The following NLRP13 variants were observed in gnomAD, a reference collection of about 807,000 sequenced individuals.
The protein encoded by NLRP13 is NLR family pyrin domain containing 13.
In NLRP13, 82 loss-of-function variants were observed where a neutral mutation model predicts 94.4. That is an observed-to-expected ratio of 0.87 (90% CI 0.73 to 1.04). The LOEUF (loss-of-function observed/expected upper bound fraction) is 1.04, where lower values mean the gene tolerates loss of function less well. Among genes scored for constraint, NLRP13 ranks in the 50% least tolerant of loss-of-function variants. NLRP13 has a pLI of 0.00. For synonymous variants in NLRP13, 553 were observed against 464.7 expected (o/e 1.19, Z -2.45); for missense variants, 1,426 against 1,230.8 (o/e 1.16, Z -2.37).
chr19:55,911,151 G>A (rs1404701117), intron 5 of NLRP13, among the ~76,000 whole-genome samples: 1 of 152,178 alleles, frequency 6.6e-6, no homozygotes, highest in Non-Finnish European at 1.5e-5. Flanking sequence ...AGAAAGATGA[G>A]CAAAGGAAAA....
intron 1 of NLRP13, among the ~76,000 whole-genome samples, chr19:55,925,835 T>TC (rs1986954289): frequency 6.6e-6 from 1 of 152,116 alleles, no homozygotes; most frequent in South Asian, 2.1e-4. Flanking sequence ...GCAAGCTGTG[T>TC]CCTGCACTTC....
chr19:55,898,183 C>G (rs1040707046), intron 10 of NLRP13, among the ~76,000 whole-genome samples: 1 of 149,382 alleles, frequency 6.7e-6, no homozygotes, highest in Non-Finnish European at 1.5e-5. Context: ...AGCTTATCAT[C>G]TAGCAGGAGA....
chr19:55,910,495 C>T (rs12982043), intron 6 of NLRP13, 68 bp downstream of exon 6: 687,007 of 1,408,944 alleles, frequency 0.49, 170,325 homozygotes, highest in African/African-American at 0.68. Flanking sequence ...CAACCACACT[C>T]ATCAAAAGAG....
At chr19:55,895,695 A>G (rs888871304), downstream of NLRP13, among the ~76,000 whole-genome samples, 13 of 152,174 alleles carry the variant, frequency 8.5e-5, no homozygotes, top group Non-Finnish European at 1.8e-4. Context: ...AAAAGGTGAA[A>G]GAAAAAAGAA....
intron 4 of NLRP13, among the ~76,000 whole-genome samples, chr19:55,919,927 A>G (rs1986773188): frequency 6.6e-6 from 1 of 152,190 alleles, no homozygotes; most frequent in Admixed American, 6.5e-5. Flanking sequence ...CCTGACTTCA[A>G]ATTATACTAC....
At position 55,923,926 on chromosome 19, in the gene NLRP13, G is replaced by C. The variant is rs777628876; in HGVS notation, c.511C>G (p.Leu171Val). 1.2e-6 allele frequency: 2 copies of C among 1,613,240 alleles called. No homozygotes were observed. Among genetic ancestry groups the C allele is most frequent in the Non-Finnish European group, 1.7e-6 (2 of 1,179,398 alleles). Residue 171 changes from leucine (L) to valine (V), a missense_variant, in exon 4 of 11, where the codon CTA (leucine) becomes GTA (valine). By Grantham distance (32) the Leu-to-Val change is conservative (BLOSUM62 1). Coordinates refer to ENST00000342929, the MANE Select transcript of NLRP13 (RefSeq NM_176810.2). Reference protein sequence around the residue: ...QDPNQEEPEMLEEADHRRKYR... With the variant: ...QDPNQEEPEMVEEADHRRKYR... ...GTAGTATACACACCTGCTTCCTCTA[G>C]CATCTCTGGTTCTTCTTGGTTTGGA...
rs1005227950 is a variant in NLRP13 at position 55,924,647 on chromosome 19, T to G, written c.400A>C (p.Thr134Pro). The G allele has an allele frequency of 2.5e-6, 4 of 1,613,106 alleles. No homozygotes were observed. The highest frequency in any genetic ancestry group is 1.7e-5 in the Admixed American group (1 of 59,990). Residue 134 changes from threonine (T) to proline (P), a missense_variant, in exon 3 of 11, where the codon ACC (threonine) becomes CCC (proline). Transcript: ENST00000342929. ...MLEAAAGNMQ[T>P]QGCQDPNQEE... ...TGGTTTGGATCTTGGCATCCCTGGG[T>G]CTGCATATTCCCTGAAATAAACATT...
chr19:55,901,846 C>T (rs302834), intron 9 of NLRP13, among the ~76,000 whole-genome samples, 189 bp downstream of exon 9: 109,249 of 151,840 alleles, frequency 0.72, 39,536 homozygotes, highest in East Asian at 0.9. Flanking sequence ...CTCGAGGTCC[C>T]CCAGACACAC....
rs1185233968 is a variant in NLRP13, at chr19:55,896,072, G to C, written c.3005C>G (p.Ser1002Cys). Residue 1002 changes from serine (S) to cysteine (C), a missense_variant, in exon 11 of 11, where the codon TCT becomes TGT. By Grantham distance (112) the Ser-to-Cys change is moderately radical. Transcript: ENST00000342929. ...CAGGCTCTTACTGCTGCTGAGAACA[G>C]AGAAGAGATGCTGGCAGCAAGCAGT... ...LTTACCQHLFSVLSSSKSLVN... is the reference protein window; with the variant it reads ...LTTACCQHLFCVLSSSKSLVN... The C allele has an allele frequency of 6.2e-7, 1 of 1,614,190 alleles. No individual in the cohort carries two copies. The highest frequency in any genetic ancestry group is 2.2e-5 in the East Asian group (1 of 44,888).
chr19:55,922,722 A>G (rs1393416172), intron 4 of NLRP13, among the ~76,000 whole-genome samples: 1 of 152,182 alleles, frequency 6.6e-6, no homozygotes, highest in Non-Finnish European at 1.5e-5. Context: ...ACTCAGCATC[A>G]ATTTATATGC....
chr19:55,898,694 G>T, intron 10 of NLRP13, 76 bp downstream of exon 10: 3 of 1,409,940 alleles, frequency 2.1e-6, no homozygotes, highest in Admixed American at 2.3e-5. Context: ...TCTAACCCCC[G>T]ATGGGATCCG....
chr19:55,905,312 C>A (rs182441626), intron 7 of NLRP13, among the ~76,000 whole-genome samples, 200 bp from the exon 8 acceptor site: 1 of 151,654 alleles, frequency 6.6e-6, no homozygotes, highest in African/African-American at 2.4e-5. Flanking sequence ...GAGGCCAAGG[C>A]GGGTGGATCA....
At chr19:55,900,582 T>C (rs572797510) in intron 9 of NLRP13, among the ~76,000 whole-genome samples, 8 of 149,654 alleles carry the variant, frequency 5.3e-5, no homozygotes, top group South Asian at 4.3e-4. Flanking sequence ...CCATCCTGGC[T>C]AACATGGTGA....
At chr19:55,928,740 A>G (rs1435691207) in intron 1 of NLRP13, among the ~76,000 whole-genome samples, 1 of 152,180 alleles carries the variant, frequency 6.6e-6, no homozygotes, top group African/African-American at 2.4e-5. Flanking sequence ...TCCTTTCTTC[A>G]TGACTAAAAC....
chr19:55,895,193 T>A (rs1447332209), downstream of NLRP13, among the ~76,000 whole-genome samples: 1 of 91,298 alleles, frequency 1.1e-5, no homozygotes, highest in Non-Finnish European at 2.1e-5. Flanking sequence ...CTACTAAAAG[T>A]ATGTTAAAAA....
intron 1 of NLRP13, among the ~76,000 whole-genome samples, chr19:55,926,221 T>C (rs986140079): frequency 6.6e-6 from 1 of 152,214 alleles, no homozygotes; most frequent in African/African-American, 2.4e-5. Flanking sequence ...CATCTGGATC[T>C]TCATAGATTA....
At chr19:55,924,093 G>T in intron 3 of NLRP13, 114 bp from the exon 4 acceptor site, 1 of 789,948 alleles carries the variant, frequency 1.3e-6, no homozygotes, top group Non-Finnish European at 2.2e-6. Context: ...AGAGTGAAGA[G>T]ACTGGAGAAA....
intron 1 of NLRP13, among the ~76,000 whole-genome samples, chr19:55,926,404 T>C: frequency 6.6e-6 from 1 of 152,222 alleles, no homozygotes; most frequent in Non-Finnish European, 1.5e-5. Context: ...CATGAAGGAA[T>C]AGCGAAGAGC....
At chr19:55,895,672 G>C (rs557587233), downstream of NLRP13, among the ~76,000 whole-genome samples, 1 of 152,294 alleles carries the variant, frequency 6.6e-6, no homozygotes, top group South Asian at 2.1e-4. Flanking sequence ...GACAGAGCGA[G>C]ACACTGTCTC....
Sources: gnomAD v4.1 joint callset for allele counts (sites outside exome capture counted in the v4.1 genomes callset) on GRCh38, gnomAD v4.1.1 for gene constraint, MANE v1.5 for transcripts, NCBI Gene and HGNC (gene_info 2026-07-23, HGNC 2026-07-21) for gene names.